Variants in RABGAP1L observed in about 807,000 individuals in gnomAD.
RABGAP1L encodes the protein rab GTPase-activating protein 1-like.
Under a neutral mutation model 137.7 loss-of-function variants are expected in RABGAP1L, and 63 were observed. The observed-to-expected ratio is 0.46, with a 90% CI of 0.37 to 0.56. The LOEUF (loss-of-function observed/expected upper bound fraction) is 0.56. RABGAP1L is among the 20% of genes least tolerant of loss of function. The pLI, the probability that RABGAP1L is intolerant of heterozygous loss-of-function variation, is 0.00. For synonymous variants in RABGAP1L, 431 were observed against 433.7 expected, an observed-to-expected ratio of 0.99 and a Z score of 0.08; for missense variants, 1,095 against 1,244.0, an observed-to-expected ratio of 0.88 and a Z score of 1.80.
At chr1:174,531,018 A>G (rs1173679389) in intron 13 of RABGAP1L, among the ~76,000 whole-genome samples, 2 of 152,238 alleles carry the variant, frequency 1.3e-5, no homozygotes, top group Non-Finnish European at 2.9e-5. Flanking sequence ...AACTCATAGC[A>G]GTAAAAAGAA....
intron 14 of RABGAP1L, among the ~76,000 whole-genome samples, chr1:174,650,502 C>G (rs914258789): frequency 1.3e-5 from 2 of 150,150 alleles, no homozygotes; most frequent in Non-Finnish European, 3.0e-5. Flanking sequence ...ATTATTGCCA[C>G]AATTTCAGAG....
chr1:174,184,180 C>G (rs968088647), intron 1 of RABGAP1L, among the ~76,000 whole-genome samples: 7 of 152,150 alleles, frequency 4.6e-5, no homozygotes, highest in African/African-American at 1.7e-4. Flanking sequence ...TGGCTTCTTT[C>G]ACCTAGTAAA....
chr1:174,957,626 A>T, intron 20 of RABGAP1L, 77 bp downstream of exon 20: 1 of 1,340,240 alleles, frequency 7.5e-7, no homozygotes, highest in Admixed American at 1.9e-5. Context: ...CGTGTTGCCC[A>T]GGCTGGTCTT....
chr1:174,469,583 C>G (rs1657676536), intron 13 of RABGAP1L, among the ~76,000 whole-genome samples: 1 of 152,114 alleles, frequency 6.6e-6, no homozygotes, highest in African/African-American at 2.4e-5. Context: ...ATGAAACTTT[C>G]CTGGAAGTGT....
chr1:174,750,079 C>T (rs979508516), intron 17 of RABGAP1L, among the ~76,000 whole-genome samples: 1 of 152,086 alleles, frequency 6.6e-6, no homozygotes, highest in African/African-American at 2.4e-5. Context: ...CCATGTTAGC[C>T]AGGATGGTCT....
intron 13 of RABGAP1L, among the ~76,000 whole-genome samples, chr1:174,530,404 T>TGTA (rs1307536253): frequency 6.6e-6 from 1 of 152,118 alleles, no homozygotes; most frequent in African/African-American, 2.4e-5. Context: ...TCAGGGAGTG[T>TGTA]GTAGGACCCA....
intron 10 of RABGAP1L, among the ~76,000 whole-genome samples, chr1:174,280,231 G>T (rs1675399557): frequency 6.6e-6 from 1 of 152,162 alleles, no homozygotes; most frequent in African/African-American, 2.4e-5. Context: ...TTGGTTTGGG[G>T]TGGTTGATGG....
At chr1:174,892,083 C>T (rs937613581) in intron 19 of RABGAP1L, among the ~76,000 whole-genome samples, 12 of 152,344 alleles carry the variant, frequency 7.9e-5, no homozygotes, top group African/African-American at 2.9e-4. Flanking sequence ...TAGCTGGAGC[C>T]TCTGCGACTA....
intron 18 of RABGAP1L, among the ~76,000 whole-genome samples, chr1:174,799,632 A>G (rs1027703927): frequency 4.0e-5 from 6 of 151,888 alleles, no homozygotes; most frequent in Non-Finnish European, 7.4e-5. Flanking sequence ...CATCTGTCCA[A>G]TGGCTCGCCA....
chr1:174,489,529 A>G (rs1436686689), intron 13 of RABGAP1L, among the ~76,000 whole-genome samples: 5 of 151,730 alleles, frequency 3.3e-5, no homozygotes, highest in African/African-American at 9.7e-5. Flanking sequence ...TCAGGAAACA[A>G]CAGGTGCTGG....
At chr1:174,493,702 T>G (rs1020080976) in intron 13 of RABGAP1L, among the ~76,000 whole-genome samples, 3 of 151,544 alleles carry the variant, frequency 2.0e-5, no homozygotes, top group Admixed American at 1.3e-4. Flanking sequence ...GCACCTGTAG[T>G]TTCAGCTACT....
intron 13 of RABGAP1L, among the ~76,000 whole-genome samples, chr1:174,555,011 GA>G (rs1266615259): frequency 4.6e-5 from 5 of 108,690 alleles, no homozygotes; most frequent in Non-Finnish European, 5.2e-5. Context: ...TAAGCAAAAG[GA>G]TGGCTCATCT....
At chr1:174,268,494 C>T (rs1375674119) in intron 7 of RABGAP1L, among the ~76,000 whole-genome samples, 4 of 152,110 alleles carry the variant, frequency 2.6e-5, no homozygotes, top group Admixed American at 6.6e-5. Context: ...TGAGCCACTG[C>T]GCCCAGCCAC....
chr1:174,891,820 A>G (rs1254685512), intron 19 of RABGAP1L, among the ~76,000 whole-genome samples: 1 of 152,188 alleles, frequency 6.6e-6, no homozygotes, highest in Non-Finnish European at 1.5e-5. Context: ...TTGGATTTAA[A>G]TGAGGTTTTC....
At chr1:174,555,388 C>T (rs945836810) in intron 13 of RABGAP1L, among the ~76,000 whole-genome samples, 1 of 152,154 alleles carries the variant, frequency 6.6e-6, no homozygotes, top group African/African-American at 2.4e-5. Context: ...AAAGCCCTTG[C>T]AATCATTTAT....
chr1:174,201,643 CT>C (rs147715191), intron 1 of RABGAP1L, among the ~76,000 whole-genome samples: 13,495 of 146,102 alleles, frequency 0.092, 810 homozygotes, highest in East Asian at 0.22. Flanking sequence ...TATTGCTTGG[CT>C]TTTTTTTTTC....
chr1:174,603,862 G>T (rs1175299602), intron 13 of RABGAP1L, among the ~76,000 whole-genome samples: 1 of 152,042 alleles, frequency 6.6e-6, no homozygotes, highest in Non-Finnish European at 1.5e-5. Context: ...ATCCTGGGAT[G>T]TGGGCCTCAG....
intron 17 of RABGAP1L, among the ~76,000 whole-genome samples, chr1:174,731,218 C>T (rs1006088608): frequency 1.4e-4 from 22 of 152,286 alleles, no homozygotes; most frequent in African/African-American, 4.1e-4. Context: ...GAGATCTACC[C>T]GCCTCGGCCT....
At chr1:174,935,064 T>C (rs563063883) in intron 19 of RABGAP1L, 1 of 152,218 alleles carries the variant, frequency 6.6e-6, no homozygotes, top group Non-Finnish European at 1.5e-5. Flanking sequence ...CTTGCTTAGA[T>C]TCCTGGGTCA....
Sources: gnomAD v4.1 joint callset for allele counts (sites outside exome capture counted in the v4.1 genomes callset) on GRCh38, gnomAD v4.1.1 for gene constraint, MANE v1.5 for transcripts, NCBI Gene and HGNC (gene_info 2026-07-23, HGNC 2026-07-21) for gene names.